The following PDE7B variants were observed in gnomAD, a reference collection of about 807,000 sequenced individuals.
The protein encoded by PDE7B is phosphodiesterase 7B, also known as 3',5'-cyclic-AMP phosphodiesterase 7B.
A neutral mutation model predicts 56.2 loss-of-function variants in PDE7B; 29 were observed. The observed-to-expected ratio is 0.52, with a 90% CI of 0.38 to 0.70. PDE7B has a LOEUF of 0.70. Among genes scored for constraint, PDE7B ranks in the 30% least tolerant of loss-of-function variants. PDE7B has a pLI of 0.00. For synonymous variants in PDE7B, 197 were observed against 196.9 expected, an observed-to-expected ratio of 1.00 and a Z score of 0.00; for missense variants, 490 against 565.0, an observed-to-expected ratio of 0.87 and a Z score of 1.35.
At chr6:135,946,443 T>G (rs1254157058) in intron 1 of PDE7B, among the ~76,000 whole-genome samples, 1 of 152,124 alleles carries the variant, frequency 6.6e-6, no homozygotes, top group East Asian at 1.9e-4. Context: ...TGCTATGTCA[T>G]AGGGTATGAA....
At chr6:135,880,405 G>A (rs1775586160) in intron 1 of PDE7B, among the ~76,000 whole-genome samples, 1 of 152,188 alleles carries the variant, frequency 6.6e-6, no homozygotes, top group South Asian at 2.1e-4. Flanking sequence ...CATATGTTTA[G>A]ATGGGTGGAG....
rs191617150 is a variant in PDE7B, at chr6:136,176,033, C to T, written c.803+2145C>T. Reference sequence around the variant, plus strand: ...TGGTTTTCATTAAATTAGTATGCATCCTTTACTTACAACCAAGATTGAAAT... The same window carrying T: ...TGGTTTTCATTAAATTAGTATGCATTCTTTACTTACAACCAAGATTGAAAT... On this transcript the variant is annotated intron_variant, in intron 9 of 12. Coordinates refer to ENST00000308191, the MANE Select transcript of PDE7B (RefSeq NM_018945.4). Among the ~76,000 whole-genome samples the T allele has an allele frequency of 3.3e-3, 507 of 152,042 alleles. 3 individuals carry two copies. Among genetic ancestry groups the T allele is most frequent in the African/African-American group, 0.012 (481 of 41,510 alleles).
intron 1 of PDE7B, among the ~76,000 whole-genome samples, chr6:135,944,980 A>G (rs1774570273): frequency 6.6e-6 from 1 of 152,216 alleles, no homozygotes; most frequent in African/African-American, 2.4e-5. Context: ...ATGTGAATTG[A>G]TAGAGCTTCC....
Position 136,014,021 on chromosome 6 carries a change from T to G in PDE7B, c.82+66497T>G, listed in dbSNP as rs559352894. Among the ~76,000 whole-genome samples the G allele has an allele frequency of 1.4e-4, 21 of 152,348 alleles. No homozygotes were observed. The East Asian group carries it at 4.0e-3, about 29-fold the overall frequency. ...AAGTATTCTAGGACTGGCACTAAATTTGACCAATTCATTTATGTCTCACCC... is the reference window on the plus strand; with the variant it reads ...AAGTATTCTAGGACTGGCACTAAATGTGACCAATTCATTTATGTCTCACCC... On this transcript the variant is annotated intron_variant, in intron 2 of 12. Transcript: ENST00000308191.
chr6:136,089,270 C>G (rs1458238630), intron 2 of PDE7B, among the ~76,000 whole-genome samples: 1 of 152,152 alleles, frequency 6.6e-6, no homozygotes, highest in Non-Finnish European at 1.5e-5. Context: ...CTGTGAGGCC[C>G]TCTCATAAAT....
At chr6:136,144,480 G>A (rs559197084) in intron 3 of PDE7B, among the ~76,000 whole-genome samples, 103 of 152,106 alleles carry the variant, frequency 6.8e-4, no homozygotes, top group African/African-American at 2.3e-3. Flanking sequence ...GGGTATTTCT[G>A]GACAATCACT....
chr6:135,903,391 A>G (rs1370313305), intron 1 of PDE7B, among the ~76,000 whole-genome samples: 2 of 152,198 alleles, frequency 1.3e-5, no homozygotes, highest in Non-Finnish European at 2.9e-5. Flanking sequence ...TCTACCACCT[A>G]CACTTCCTGT....
At chr6:136,008,493 C>A (rs550539261) in intron 2 of PDE7B, among the ~76,000 whole-genome samples, 1 of 152,316 alleles carries the variant, frequency 6.6e-6, no homozygotes, top group East Asian at 1.9e-4. Flanking sequence ...TCTCCAGCAC[C>A]TGTTGTTTCC....
intron 2 of PDE7B, among the ~76,000 whole-genome samples, chr6:135,994,138 G>A (rs967259714): frequency 6.6e-6 from 1 of 151,244 alleles, no homozygotes; most frequent in Non-Finnish European, 1.5e-5. Flanking sequence ...GTGTGTGTGT[G>A]TGTGTGTGTG....
At chr6:135,909,425 G>A (rs1776172543) in intron 1 of PDE7B, among the ~76,000 whole-genome samples, 2 of 152,110 alleles carry the variant, frequency 1.3e-5, no homozygotes, top group Admixed American at 1.3e-4. Context: ...GACCAGCCTG[G>A]CCAATGTGGC....
At chr6:135,971,231 T>A (rs973975873) in intron 2 of PDE7B, among the ~76,000 whole-genome samples, 1 of 152,158 alleles carries the variant, frequency 6.6e-6, no homozygotes, top group Non-Finnish European at 1.5e-5. Context: ...CACGCAAACA[T>A]GAAGGCAGTC....
At chr6:135,888,459 TG>T (rs1775750269) in intron 1 of PDE7B, among the ~76,000 whole-genome samples, 3 of 152,154 alleles carry the variant, frequency 2.0e-5, no homozygotes, top group Admixed American at 6.5e-5. Flanking sequence ...CACGTGTGTG[TG>T]TGTGTGCATG....
chr6:136,185,621 C>T (rs1405756016), intron 11 of PDE7B, among the ~76,000 whole-genome samples: 1 of 151,878 alleles, frequency 6.6e-6, no homozygotes, highest in African/African-American at 2.4e-5. Flanking sequence ...CAATATTAGC[C>T]AAGAGTGGTG....
At chr6:135,970,291 T>TA (rs1323503726) in intron 2 of PDE7B, among the ~76,000 whole-genome samples, 4 of 151,920 alleles carry the variant, frequency 2.6e-5, no homozygotes, top group African/African-American at 9.7e-5. Flanking sequence ...GGCAGGTGGG[T>TA]AGCTTTTGTG....
At chr6:135,899,276 A>C (rs1270747063) in intron 1 of PDE7B, among the ~76,000 whole-genome samples, 1 of 152,072 alleles carries the variant, frequency 6.6e-6, no homozygotes, top group Non-Finnish European at 1.5e-5. Context: ...AGAGTTCTAC[A>C]ACGTTCATCT....
At chr6:135,863,499 G>A (rs1191187593) in intron 1 of PDE7B, among the ~76,000 whole-genome samples, 1 of 152,022 alleles carries the variant, frequency 6.6e-6, no homozygotes, top group African/African-American at 2.4e-5. Context: ...CACATAAACA[G>A]ATATTCAGTC....
chr6:135,909,055 G>T (rs887932455), intron 1 of PDE7B, among the ~76,000 whole-genome samples: 2 of 152,048 alleles, frequency 1.3e-5, no homozygotes, highest in Admixed American at 1.3e-4. Flanking sequence ...TCTTATGTTA[G>T]TTATGACAAT....
chr6:135,866,039 G>C (rs920239094), intron 1 of PDE7B, among the ~76,000 whole-genome samples: 1 of 151,976 alleles, frequency 6.6e-6, no homozygotes, highest in African/African-American at 2.4e-5. Context: ...GAAACAAATT[G>C]TATCTTATTT....
intron 2 of PDE7B, among the ~76,000 whole-genome samples, chr6:136,060,784 A>G (rs1202951298): frequency 5.3e-5 from 8 of 152,202 alleles, no homozygotes; most frequent in East Asian, 3.8e-4. Context: ...TTATATCACT[A>G]TGTGACCAAG....
Sources: allele counts gnomAD v4.1 joint callset (sites outside exome capture counted in the v4.1 genomes callset), GRCh38; gene constraint gnomAD v4.1.1; transcripts MANE v1.5; gene names NCBI Gene and HGNC (gene_info 2026-07-23, HGNC 2026-07-21).